ENTREP2: variants seen among roughly 807,000 people sequenced by gnomAD.
The protein encoded by ENTREP2 is endosomal transmembrane epsin interactor 2.
chr15:29,670,351 G>A, the ENTREP2 span, among the ~76,000 whole-genome samples: 8 of 152,142 alleles, frequency 5.3e-5, no homozygotes, highest in African/African-American at 1.9e-4. Context: ...GAAGGGTCTC[G>A]CCCAGAACAG....
the ENTREP2 span, among the ~76,000 whole-genome samples, chr15:29,447,077 AG>A: frequency 6.6e-6 from 1 of 152,304 alleles, no homozygotes; most frequent in South Asian, 2.1e-4. Flanking sequence ...ATCTTTGTGG[AG>A]GGGGGTCACT....
At chr15:29,297,657 C>T in the ENTREP2 span, among the ~76,000 whole-genome samples, 4 of 152,140 alleles carry the variant, frequency 2.6e-5, no homozygotes, top group African/African-American at 9.7e-5. Context: ...TCCCACCTAT[C>T]ATCTTACCAA....
the ENTREP2 span, among the ~76,000 whole-genome samples, chr15:29,144,205 A>C: frequency 1.1e-4 from 16 of 152,310 alleles, no homozygotes; most frequent in African/African-American, 3.8e-4. Flanking sequence ...AGTTATTTAA[A>C]GTGGGGAGTT....
chr15:29,177,351 C>T, the ENTREP2 span, among the ~76,000 whole-genome samples: 3 of 152,226 alleles, frequency 2.0e-5, no homozygotes, highest in African/African-American at 7.2e-5. Context: ...CAAGACTGCA[C>T]ATGCTTTCTG....
chr15:29,347,392 A>G, the ENTREP2 span, among the ~76,000 whole-genome samples: 1 of 151,452 alleles, frequency 6.6e-6, no homozygotes, highest in Non-Finnish European at 1.5e-5. Context: ...CTGGTCTCCA[A>G]CTCCTGGCCT....
At chr15:29,183,339 C>A in the ENTREP2 span, among the ~76,000 whole-genome samples, 1 of 152,202 alleles carries the variant, frequency 6.6e-6, no homozygotes, top group African/African-American at 2.4e-5. Context: ...GCTGCCTTTT[C>A]CACTGGCCAG....
the ENTREP2 span, among the ~76,000 whole-genome samples, chr15:29,577,763 G>A: frequency 6.6e-6 from 1 of 152,184 alleles, no homozygotes; most frequent in Non-Finnish European, 1.5e-5. Flanking sequence ...TATAAGGAAG[G>A]AAATTTTGAC....
the ENTREP2 span, among the ~76,000 whole-genome samples, chr15:29,616,562 G>A: frequency 1.4e-4 from 21 of 152,220 alleles, no homozygotes; most frequent in East Asian, 2.3e-3. Context: ...TATTTAAGGT[G>A]TATGACTTGA....
the ENTREP2 span, among the ~76,000 whole-genome samples, chr15:29,273,747 T>A: frequency 1.3e-5 from 2 of 152,124 alleles, no homozygotes; most frequent in Non-Finnish European, 2.9e-5. Flanking sequence ...AGTCTTCTGG[T>A]CTTCATCTTT....
chr15:29,231,237 T>G, the ENTREP2 span, among the ~76,000 whole-genome samples: 1 of 152,200 alleles, frequency 6.6e-6, no homozygotes, highest in African/African-American at 2.4e-5. Flanking sequence ...ACGATGCAGC[T>G]TCTGCCAAAG....
chr15:29,626,502 A>G, the ENTREP2 span, among the ~76,000 whole-genome samples: 1 of 152,192 alleles, frequency 6.6e-6, no homozygotes, highest in East Asian at 1.9e-4. Flanking sequence ...TGGAACTGTG[A>G]GTTCATTAAA....
the ENTREP2 span, among the ~76,000 whole-genome samples, chr15:29,549,517 G>T: frequency 6.6e-6 from 1 of 152,066 alleles, no homozygotes. Flanking sequence ...TGATCCGCCC[G>T]CCTCGGCCTC....
the ENTREP2 span, among the ~76,000 whole-genome samples, chr15:29,562,352 G>C: frequency 1.3e-5 from 2 of 152,214 alleles, no homozygotes; most frequent in Non-Finnish European, 2.9e-5. Flanking sequence ...TACATAAAGA[G>C]CATCCATGAG....
chr15:29,149,976 G>A, the ENTREP2 span, among the ~76,000 whole-genome samples: 2 of 152,344 alleles, frequency 1.3e-5, no homozygotes, highest in African/African-American at 2.4e-5. Flanking sequence ...CGCTGTCGCC[G>A]CAGCCTGCCT....
At chr15:29,264,048 G>C in the ENTREP2 span, among the ~76,000 whole-genome samples, 1 of 150,458 alleles carries the variant, frequency 6.6e-6, no homozygotes, top group Non-Finnish European at 1.5e-5. Context: ...CCAGCTACTC[G>C]GGAGGCTGAG....
At chr15:29,478,019 A>ATTTTTTTTTTT in the ENTREP2 span, among the ~76,000 whole-genome samples, 4 of 54,288 alleles carry the variant, frequency 7.4e-5, no homozygotes, top group Admixed American at 3.0e-4. Context: ...ATATATATAT[A>ATTTTTTTTTTT]TTTTTTTTTT....
the ENTREP2 span, among the ~76,000 whole-genome samples, chr15:29,384,276 A>T: frequency 6.6e-6 from 1 of 151,944 alleles, no homozygotes; most frequent in Non-Finnish European, 1.5e-5. Context: ...AAAATTTCTG[A>T]CCATAATGCC....
the ENTREP2 span, among the ~76,000 whole-genome samples, chr15:29,362,415 C>T: frequency 1.5e-5 from 2 of 137,696 alleles, no homozygotes; most frequent in African/African-American, 2.8e-5. Flanking sequence ...TGCTCTGTCA[C>T]CCAGGCTAGA....
the ENTREP2 span, among the ~76,000 whole-genome samples, chr15:29,244,201 T>C: frequency 6.6e-6 from 1 of 152,212 alleles, no homozygotes; most frequent in Non-Finnish European, 1.5e-5. Context: ...TATGATCATC[T>C]TCAGAGATGT....
Sources: gnomAD v4.1 joint callset for allele counts (sites outside exome capture counted in the v4.1 genomes callset) on GRCh38, gnomAD v4.1.1 for gene constraint, MANE v1.5 for transcripts, NCBI Gene and HGNC (gene_info 2026-07-23, HGNC 2026-07-21) for gene names.